Variants in ARHGDIB observed in about 807,000 individuals in gnomAD.
ARHGDIB encodes the protein Rho GDP dissociation inhibitor beta.
Under a neutral mutation model 22.6 loss-of-function variants are expected in ARHGDIB, and 20 were observed. That is an observed-to-expected ratio of 0.88 (90% confidence interval 0.62 to 1.28). The LOEUF is 1.28. Among genes scored for constraint, ARHGDIB ranks in the 50% most tolerant of loss-of-function variants. The probability of loss-of-function intolerance (pLI) is 0.00; values close to 1 mark genes in which losing one functional copy is unlikely to be tolerated. For missense variants in ARHGDIB, 254 were observed against 245.4 expected, an observed-to-expected ratio of 1.04 and a Z score of -0.23; for synonymous variants, 114 against 96.1, an observed-to-expected ratio of 1.19 and a Z score of -1.09.
intron 1 of ARHGDIB, 134 bp from the exon 2 acceptor site, chr12:14,950,858 T>A (rs1864158719): frequency 1.5e-6 from 1 of 646,782 alleles, no homozygotes; most frequent in Non-Finnish European, 2.5e-6. Flanking sequence ...GTTTTCCTAA[T>A]TCAATCTCAT....
chr12:14,949,941 T>C, intron 2 of ARHGDIB, 56 bp from the exon 3 acceptor site: 1 of 1,452,828 alleles, frequency 6.9e-7, no homozygotes, highest in South Asian at 1.2e-5. Context: ...ATAGTGGGTG[T>C]GTGCATTTCA....
chr12:14,956,005 G>C (rs1864293539), intron 1 of ARHGDIB, among the ~76,000 whole-genome samples: 1 of 152,118 alleles, frequency 6.6e-6, no homozygotes, highest in African/African-American at 2.4e-5. Flanking sequence ...TTCCAGACCA[G>C]GAAACTAAAG....
intron 2 of ARHGDIB, 90 bp from the exon 3 acceptor site, chr12:14,949,975 A>G: frequency 8.7e-7 from 1 of 1,152,168 alleles, no homozygotes; most frequent in Non-Finnish European, 1.2e-6. Context: ...GAGTATGAAA[A>G]TAAAAGTGAT....
intron 1 of ARHGDIB, among the ~76,000 whole-genome samples, chr12:14,958,356 T>G (rs907123406): frequency 2.0e-5 from 3 of 152,156 alleles, no homozygotes; most frequent in Admixed American, 2.0e-4. Context: ...AAAGACAAGA[T>G]TATTTTGTAA....
chr12:14,950,510 C>G (rs185689919), intron 2 of ARHGDIB, 22 bp downstream of exon 2: 2 of 1,593,664 alleles, frequency 1.3e-6, no homozygotes, highest in Non-Finnish European at 1.7e-6. Flanking sequence ...TTCCACCCAC[C>G]CTGTTCTCTG....
At chr12:14,952,277 C>CAAA (rs3084566) in intron 1 of ARHGDIB, among the ~76,000 whole-genome samples, 2,650 of 127,204 alleles carry the variant, frequency 0.021, 97 homozygotes, top group African/African-American at 0.07. Flanking sequence ...TTAATGGAAC[C>CAAA]AAAAAAAAAA....
At chr12:14,949,939 T>A (rs768312411) in intron 2 of ARHGDIB, 54 bp from the exon 3 acceptor site, 1 of 1,461,250 alleles carries the variant, frequency 6.8e-7, no homozygotes, top group Non-Finnish European at 9.4e-7. Context: ...GTATAGTGGG[T>A]GTGTGCATTT....
intron 1 of ARHGDIB, among the ~76,000 whole-genome samples, chr12:14,952,823 T>A (rs1370833718): frequency 1.3e-5 from 2 of 152,224 alleles, no homozygotes; most frequent in Non-Finnish European, 2.9e-5. Flanking sequence ...CTGAACTGTA[T>A]CACTTGGTTC....
chr12:14,957,615 T>C (rs889098876), intron 1 of ARHGDIB, among the ~76,000 whole-genome samples: 1 of 152,216 alleles, frequency 6.6e-6, no homozygotes, highest in African/African-American at 2.4e-5. Context: ...CTCCCTGTCT[T>C]CATTGAAGCC....
rs775500230 is a variant in ARHGDIB at position 14,944,787 on chromosome 12, G to T, written c.395C>A (p.Thr132Asn). The part of the protein sequence containing the change: ...GLKYVQHTYR[T>N]GVKVDKATFM... ...GTGGGTTCCCTTACCTTTCACCCCA[G>T]TCCTGTAGGTGTGCTGAACGTATTT... The change falls in exon 5 of 6, where the codon ACT (threonine) becomes AAT (asparagine). Residue 132 changes from threonine to asparagine, a missense_variant. Physicochemically the swap from Thr to Asn is moderately conservative, Grantham distance 65. Coordinates refer to ENST00000228945, the MANE Select transcript of ARHGDIB (RefSeq NM_001175.7). 2.5e-6 allele frequency: 4 copies of T among 1,613,524 alleles called. No individual in the cohort carries two copies. The highest frequency in any genetic ancestry group is 3.4e-6 in the Non-Finnish European group (4 of 1,179,680).
At chr12:14,947,520 T>C (rs1864046902) in intron 4 of ARHGDIB, among the ~76,000 whole-genome samples, 1 of 152,252 alleles carries the variant, frequency 6.6e-6, no homozygotes, top group South Asian at 2.1e-4. Flanking sequence ...AAAGGAGAGA[T>C]GTACAATTTC....
At chr12:14,959,216 C>A (rs1180711145) in intron 1 of ARHGDIB, among the ~76,000 whole-genome samples, 1 of 152,108 alleles carries the variant, frequency 6.6e-6, no homozygotes, top group Non-Finnish European at 1.5e-5. Flanking sequence ...CCCAGGAATT[C>A]AAGACCAGCC....
chr12:14,944,994 T>C (rs892526733), intron 4 of ARHGDIB, among the ~76,000 whole-genome samples, 155 bp from the exon 5 acceptor site: 11 of 152,258 alleles, frequency 7.2e-5, no homozygotes, highest in Admixed American at 6.5e-5. Context: ...TTAGCATGGC[T>C]GTGAGGCAAA....
At chr12:14,961,310 C>A (rs921266783) in intron 1 of ARHGDIB, 3 of 152,212 alleles carry the variant, frequency 2.0e-5, no homozygotes, top group African/African-American at 7.2e-5. Context: ...GCACCCTGTA[C>A]CCTCCTTTTT....
intron 2 of ARHGDIB, 49 bp from the exon 3 acceptor site, chr12:14,949,934 G>T: frequency 6.7e-7 from 1 of 1,498,028 alleles, no homozygotes; most frequent in Non-Finnish European, 9.2e-7. Context: ...CATGTGTATA[G>T]TGGGTGTGTG....
chr12:14,954,808 A>T (rs1280963947), intron 1 of ARHGDIB, among the ~76,000 whole-genome samples: 1 of 152,224 alleles, frequency 6.6e-6, no homozygotes, highest in Non-Finnish European at 1.5e-5. Flanking sequence ...TCCCCATGCT[A>T]AGTGAGTAGA....
At position 14,959,151 on chromosome 12, in the gene ARHGDIB, G is replaced by A. The variant is rs528047344; in HGVS notation, c.-13+2386C>T. Among the ~76,000 whole-genome samples, 3 of 152,290 alleles carry A rather than the reference G, an allele frequency of 2.0e-5. No individual in the cohort carries two copies. The South Asian group carries it at 6.2e-4, about 32-fold the overall frequency. ...AAATAATAATAGGCCATGCATGGTG[G>A]CTCACGCCTTTAATCCCAGGACTTT... On this transcript the variant is annotated intron_variant, in intron 1 of 5. Coordinates refer to ENST00000228945, the MANE Select transcript of ARHGDIB (RefSeq NM_001175.7).
At position 14,942,705 on chromosome 12, in the gene ARHGDIB, A is replaced by T. The variant is rs1175534311; in HGVS notation, c.423T>A (p.Phe141Leu). ...GCCGAGGTCCATAGCTGCCAACCAT[A>T]AATGTTGCTTTATCCACTAAGAAGA... ...RTGVKVDKATFMVGSYGPRPE... is the reference protein window; with the variant it reads ...RTGVKVDKATLMVGSYGPRPE... The change falls in exon 6 of 6, where the codon TTT becomes TTA. Residue 141 changes from phenylalanine to leucine, a missense_variant. Physicochemically the swap from Phe to Leu is conservative, Grantham distance 22. Coordinates refer to ENST00000228945, the MANE Select transcript of ARHGDIB (RefSeq NM_001175.7). 1 of 1,613,950 alleles carries T rather than the reference A, an allele frequency of 6.2e-7. No homozygotes were observed. The highest frequency in any genetic ancestry group is 1.3e-5 in the African/African-American group (1 of 74,926).
At chr12:14,948,844 G>A (rs1159278660) in intron 3 of ARHGDIB, 1 of 152,410 alleles carries the variant, frequency 6.6e-6, no homozygotes, top group African/African-American at 2.4e-5. Context: ...GAGAGCGTGA[G>A]TTTCTCTCCT....
Sources: allele counts gnomAD v4.1 joint callset (sites outside exome capture counted in the v4.1 genomes callset), GRCh38; gene constraint gnomAD v4.1.1; transcripts MANE v1.5; gene names NCBI Gene and HGNC (gene_info 2026-07-23, HGNC 2026-07-21).